The following TXNRD3 variants were observed in gnomAD, a reference collection of about 807,000 sequenced individuals.
TXNRD3 encodes thioredoxin reductase 3.
Under a neutral mutation model 78.2 loss-of-function variants are expected in TXNRD3, and 68 were observed. That is an observed-to-expected ratio of 0.87 (90% CI 0.72 to 1.06). The LOEUF is 1.06. Ranked by LOEUF, TXNRD3 falls within the 50% of genes least tolerant of loss-of-function variation. The probability of loss-of-function intolerance (pLI) is 0.00; values close to 1 mark genes in which losing one functional copy is unlikely to be tolerated. For synonymous variants in TXNRD3, 296 were observed against 300.1 expected (o/e 0.99, Z 0.14); for missense variants, 751 against 809.5 (o/e 0.93, Z 0.88).
At chr3:126,642,732 C>CA in intron 5 of TXNRD3, among the ~76,000 whole-genome samples, 1 of 152,128 alleles carries the variant, frequency 6.6e-6, no homozygotes, top group Non-Finnish European at 1.5e-5. Flanking sequence ...GGACAGAAAA[C>CA]AAGTGTTCAC....
At chr3:126,631,926 C>T in intron 7 of TXNRD3, 47 bp from the exon 8 acceptor site, 1 of 1,292,770 alleles carries the variant, frequency 7.7e-7, no homozygotes, top group East Asian at 2.5e-5. Context: ...CTACAGAGTA[C>T]CAGACACCCT....
At chr3:126,634,902 G>T (rs4679279) in intron 6 of TXNRD3, among the ~76,000 whole-genome samples, 1 of 151,998 alleles carries the variant, frequency 6.6e-6, no homozygotes, top group East Asian at 1.9e-4. Context: ...TTACCATGCA[G>T]GAAAGGGAGT....
chr3:126,615,425 G>A lies in TXNRD3; in HGVS notation c.1562C>T (p.Pro521Leu). 4.0e-6 allele frequency: 6 copies of A among 1,518,290 alleles called. No individual in the cohort carries two copies. The highest frequency in any genetic ancestry group is 4.4e-6 in the Non-Finnish European group (5 of 1,138,888). The allele number at this position is 1,518,290 out of a possible 1,614,324, so 94.1% of individuals were successfully genotyped here. The change falls in exon 13 of 16, where the codon CCT (proline) becomes CTT (leucine). Residue 521 changes from proline (P) to leucine (L), a missense_variant. Physicochemically the swap from Pro to Leu is moderately conservative, Grantham distance 98. Transcript: ENST00000524230. Reference sequence around the variant, plus strand: ...TAATCCACAGCAACCATACTCCAGAGGAGTAAACACTGTAGTCGGAACATT... The same window carrying A: ...TAATCCACAGCAACCATACTCCAGAAGAGTAAACACTGTAGTCGGAACATT...
chr3:126,652,901 C>A lies in TXNRD3; in HGVS notation c.243+1847G>T, dbSNP rs538673111. Among the ~76,000 whole-genome samples, 22 of 152,310 alleles carry A rather than the reference C, an allele frequency of 1.4e-4. 2 individuals carry two copies. The South Asian group carries it at 4.1e-3, about 29-fold the overall frequency. Reference sequence around the variant, plus strand: ...TGCAAACAATAACGAATGCAGTGCACCCTCCGCCCCTAACAAAGGGACTCT... The same window carrying A: ...TGCAAACAATAACGAATGCAGTGCAACCTCCGCCCCTAACAAAGGGACTCT... On this transcript the variant is annotated intron_variant, in intron 1 of 15. Transcript: ENST00000524230.
Position 126,654,836 on chromosome 3 carries a change from C to A in TXNRD3, c.155G>T (p.Arg52Leu). The A allele has an allele frequency of 7.2e-7, 1 of 1,390,874 alleles. No homozygotes were observed. Among genetic ancestry groups the A allele is most frequent in the Non-Finnish European group, 9.3e-7 (1 of 1,075,598 alleles). The allele number at this position is 1,390,874 out of a possible 1,614,324, so 86.2% of individuals were successfully genotyped here. The change falls in exon 1 of 16, where the codon CGC becomes CTC. Residue 52 changes from arginine (R) to leucine (L), a missense_variant. Coordinates refer to ENST00000524230, the MANE Select transcript of TXNRD3 (RefSeq NM_052883.3). ...CACGAGGTGGCGGCGCAGCTCCTCG[C>A]GGGCCTCGGACGAGCGGCTGGGCCC...
intron 1 of TXNRD3, among the ~76,000 whole-genome samples, chr3:126,649,383 G>A (rs1446765674): frequency 6.6e-6 from 1 of 152,204 alleles, no homozygotes. Context: ...AGACCCTTGT[G>A]CACTTTAGTG....
chr3:126,625,379 C>A (rs535234803), intron 10 of TXNRD3, among the ~76,000 whole-genome samples: 9 of 142,820 alleles, frequency 6.3e-5, no homozygotes, highest in Middle Eastern at 4.1e-3. Context: ...TTGTTCAATT[C>A]CCACCTATGA....
At position 126,622,457 on chromosome 3, in the gene TXNRD3, T is replaced by C. The variant is rs1385369865; in HGVS notation, c.1367+7A>G. The C allele has an allele frequency of 1.3e-6, 2 of 1,532,878 alleles. No homozygotes were observed. Among genetic ancestry groups the C allele is most frequent in the East Asian group, 2.4e-5 (1 of 40,854 alleles). The allele number at this position is 1,532,878 out of a possible 1,614,324, so 95.0% of individuals were successfully genotyped here. ...CAGCAACAGTGCAGTGATCCCAATATACTTACTTCTCATTAATTTTGACAC... is the reference window on the plus strand; with the variant it reads ...CAGCAACAGTGCAGTGATCCCAATACACTTACTTCTCATTAATTTTGACAC... On this transcript the variant is annotated splice_region_variant and intron_variant, in intron 11 of 15. Transcript: ENST00000524230.
In TXNRD3 at chr3:126,619,728, C is replaced by T. The variant is rs142126022; in HGVS notation, c.1524+2014G>A. 3.7e-3 allele frequency among the ~76,000 whole-genome samples: 559 copies of T among 152,280 alleles called. 4 individuals are homozygous for T. Among genetic ancestry groups the T allele is most frequent in the Non-Finnish European group, 4.0e-3 (269 of 68,028 alleles). On this transcript the variant is annotated intron_variant, in intron 12 of 15. Coordinates refer to ENST00000524230, the MANE Select transcript of TXNRD3 (RefSeq NM_052883.3). Reference sequence around the variant, plus strand: ...AAGAGGATATAACAGAATGTTCCCACATAAATAAATGACAAACGTTTGAGG... The same window carrying T: ...AAGAGGATATAACAGAATGTTCCCATATAAATAAATGACAAACGTTTGAGG...
At position 126,647,243 on chromosome 3, in the gene TXNRD3, A is replaced by T; in HGVS notation, c.297T>A (p.Asp99Glu). ...TGTAACTGGTCTACTTACCAACTTG[A>T]TCAAGTTCCAAGACATTACATTCGA... is the stretch of plus-strand genomic sequence containing the variant. The change falls in exon 2 of 16, where the codon GAT becomes GAA. Residue 99 changes from aspartate to glutamate, a missense_variant. Physicochemically the swap from Asp to Glu is conservative, Grantham distance 45 (BLOSUM62 2). Coordinates refer to ENST00000524230, the MANE Select transcript of TXNRD3 (RefSeq NM_052883.3). The T allele has an allele frequency of 6.5e-7, 1 of 1,535,186 alleles. No individual in the cohort carries two copies. The highest frequency in any genetic ancestry group is 8.7e-7 in the Non-Finnish European group (1 of 1,146,580).
At chr3:126,632,231 G>C (rs1265481766) in intron 7 of TXNRD3, among the ~76,000 whole-genome samples, 1 of 152,094 alleles carries the variant, frequency 6.6e-6, no homozygotes, top group Admixed American at 6.6e-5. Context: ...AGGAGGAGTT[G>C]GTGTTTGAAG....
At chr3:126,619,212 T>C (rs1938386908) in intron 12 of TXNRD3, among the ~76,000 whole-genome samples, 1 of 152,068 alleles carries the variant, frequency 6.6e-6, no homozygotes, top group Non-Finnish European at 1.5e-5. Flanking sequence ...CCAGTACTAA[T>C]ATTTATCGAA....
chr3:126,633,634 C>A (rs1050156613), intron 7 of TXNRD3, among the ~76,000 whole-genome samples: 1 of 152,102 alleles, frequency 6.6e-6, no homozygotes, highest in Non-Finnish European at 1.5e-5. Context: ...CTTTGAACTA[C>A]TTAGTTTAAA....
intron 13 of TXNRD3, among the ~76,000 whole-genome samples, chr3:126,613,071 G>GT (rs758529189): frequency 7.9e-5 from 12 of 152,130 alleles, no homozygotes; most frequent in Non-Finnish European, 1.6e-4. Context: ...TACTCTTGAA[G>GT]TTTTTTATCA....
chr3:126,624,861 G>C (rs1307132117), intron 10 of TXNRD3: 5 of 213,672 alleles, frequency 2.3e-5, no homozygotes, highest in East Asian at 1.1e-4. Context: ...AGTGGCTGCA[G>C]ATCTAGGATG....
chr3:126,648,122 T>C (rs1933284875), intron 1 of TXNRD3, among the ~76,000 whole-genome samples: 1 of 152,190 alleles, frequency 6.6e-6, no homozygotes, highest in Non-Finnish European at 1.5e-5. Context: ...ATTTCATTTA[T>C]AATAGCAACA....
chr3:126,654,600 C>T, intron 1 of TXNRD3, 148 bp downstream of exon 1: 2 of 344,864 alleles, frequency 5.8e-6, no homozygotes, highest in Non-Finnish European at 9.5e-6. Flanking sequence ...CCTCAGGGGA[C>T]GACCGGGGAG....
chr3:126,611,478 C>T (rs1057254476), intron 13 of TXNRD3, among the ~76,000 whole-genome samples: 4 of 152,166 alleles, frequency 2.6e-5, no homozygotes, highest in South Asian at 2.1e-4. Flanking sequence ...GAGATCCTGA[C>T]GTCAAAGCTG....
At position 126,644,401 on chromosome 3, in the gene TXNRD3, C is replaced by T; in HGVS notation, c.415G>A (p.Ala139Thr). ...TTCTGTAACAAACCACTCTGATATG[C>T]CTATGGTTTAATTACAGGAGAAAGA... The change falls in exon 4 of 16, where the codon GCA becomes ACA. Residue 139 changes from alanine to threonine, a missense_variant and splice_region_variant. Ala to Thr is a moderately conservative substitution (Grantham distance 58). Coordinates refer to ENST00000524230, the MANE Select transcript of TXNRD3 (RefSeq NM_052883.3). 6.5e-7 allele frequency: 1 copy of T among 1,532,696 alleles called. No homozygotes were observed. The highest frequency in any genetic ancestry group is 8.7e-7 in the Non-Finnish European group (1 of 1,144,202). The allele number at this position is 1,532,696 out of a possible 1,614,324, so 94.9% of individuals were successfully genotyped here.
Sources: allele counts gnomAD v4.1 joint callset (sites outside exome capture counted in the v4.1 genomes callset), GRCh38; gene constraint gnomAD v4.1.1; transcripts MANE v1.5; gene names NCBI Gene and HGNC (gene_info 2026-07-23, HGNC 2026-07-21).